CELF2: variants seen among roughly 807,000 people sequenced by gnomAD.
CELF2 encodes the protein CUG triplet repeat RNA-binding protein 2.
Under a neutral mutation model 62.6 loss-of-function variants are expected in CELF2, and 8 were observed. That is an observed-to-expected ratio of 0.13 (90% CI 0.07 to 0.23). CELF2 has a LOEUF of 0.23. CELF2 is among the 10% of genes least tolerant of loss of function. The probability of loss-of-function intolerance (pLI) is 1.00; values close to 1 mark genes in which losing one functional copy is unlikely to be tolerated. For missense variants in CELF2, 333 were observed against 671.0 expected (o/e 0.50, Z 5.56); for synonymous variants, 258 against 250.0 (o/e 1.03, Z -0.30).
chr10:10,950,910 C>T (rs1564248469), intron 2 of CELF2, among the ~76,000 whole-genome samples: 1 of 152,166 alleles, frequency 6.6e-6, no homozygotes, highest in Non-Finnish European at 1.5e-5. Flanking sequence ...ACAGAAAACA[C>T]CTTGGCAGTC....
chr10:10,641,202 G>A, the CELF2 span, among the ~76,000 whole-genome samples: 7 of 152,166 alleles, frequency 4.6e-5, no homozygotes, highest in East Asian at 3.9e-4. Flanking sequence ...GAATAATTCC[G>A]GTCATGTACA....
intron 1 of CELF2, chr10:11,071,435 G>C (rs1242198244): frequency 6.6e-6 from 1 of 152,234 alleles, no homozygotes; most frequent in Non-Finnish European, 1.5e-5. Flanking sequence ...TCTAGGAAGA[G>C]GGAGAACTGG....
At chr10:11,048,530 C>G (rs1309993782) in intron 1 of CELF2, among the ~76,000 whole-genome samples, 1 of 152,168 alleles carries the variant, frequency 6.6e-6, no homozygotes, top group Non-Finnish European at 1.5e-5. Context: ...TCTGTTTTAT[C>G]CCACCTCTAC....
Position 11,335,507 on chromosome 10 carries a change from G to A in CELF2, c.*6454G>A, listed in dbSNP as rs926990836. Reference sequence around the variant, plus strand: ...CTGCTCAAGAACAGAGGGGCCTGGCGAGGTGGAGGAAGGGAGGCTCCCTCC... The same window carrying A: ...CTGCTCAAGAACAGAGGGGCCTGGCAAGGTGGAGGAAGGGAGGCTCCCTCC... On this transcript the variant is annotated 3_prime_UTR_variant, in exon 13 of 13. Transcript: ENST00000633077. The surrounding 1 kb of genome is among the most constrained non-coding windows in gnomAD (Gnocchi z 5.0). 2 of 152,256 alleles carry A rather than the reference G, an allele frequency of 1.3e-5. No homozygotes were observed. The highest frequency in any genetic ancestry group is 2.9e-5 in the Non-Finnish European group (2 of 68,082). The allele number at this position is 152,256 out of a possible 1,614,324, so 9.4% of individuals were successfully genotyped here. A position where few individuals can be genotyped will look rare whatever the true frequency, so the allele number is the denominator to read the frequency against.
chr10:10,578,726 A>T, the CELF2 span, among the ~76,000 whole-genome samples: 1 of 152,150 alleles, frequency 6.6e-6, no homozygotes, highest in Non-Finnish European at 1.5e-5. Context: ...GGCACTTTTC[A>T]ACAGGATGAC....
At chr10:10,929,353 G>C (rs1293797921) in intron 2 of CELF2, among the ~76,000 whole-genome samples, 3 of 152,208 alleles carry the variant, frequency 2.0e-5, no homozygotes, top group African/African-American at 7.2e-5. Flanking sequence ...TAGTATCACT[G>C]TGTGGAGATA....
intron 2 of CELF2, among the ~76,000 whole-genome samples, chr10:11,215,400 T>A (rs1344774813): frequency 6.6e-6 from 1 of 152,232 alleles, no homozygotes; most frequent in African/African-American, 2.4e-5. Flanking sequence ...GTCATACCAT[T>A]GGTCTTCCAG....
chr10:10,945,905 C>A (rs890378542), intron 2 of CELF2: 1 of 152,592 alleles, frequency 6.6e-6, no homozygotes, highest in South Asian at 2.1e-4. Flanking sequence ...CCACCTCCCA[C>A]GTTTTCCCCC....
chr10:10,952,347 A>T (rs1286553300), intron 2 of CELF2: 1 of 152,232 alleles, frequency 6.6e-6, no homozygotes, highest in East Asian at 1.9e-4. Flanking sequence ...CCTTTGAAAA[A>T]TGGGGTATTG....
intron 1 of CELF2, among the ~76,000 whole-genome samples, chr10:11,084,363 A>C (rs754337186): frequency 1.2e-4 from 19 of 152,352 alleles, no homozygotes; most frequent in Non-Finnish European, 1.9e-4. Context: ...GGTAGATGCT[A>C]TGCTTAGGTC....
At chr10:11,210,819 A>G (rs929819199) in intron 2 of CELF2, among the ~76,000 whole-genome samples, 2 of 152,194 alleles carry the variant, frequency 1.3e-5, no homozygotes, top group African/African-American at 4.8e-5. Flanking sequence ...TCAATAATTA[A>G]AAACAACTCA....
chr10:10,895,078 G>A (rs2133982168), intron 1 of CELF2, among the ~76,000 whole-genome samples: 2 of 152,290 alleles, frequency 1.3e-5, no homozygotes, highest in Middle Eastern at 6.8e-3. Context: ...GAATTTCACA[G>A]ACGAGATACT....
intron 1 of CELF2, among the ~76,000 whole-genome samples, chr10:11,048,925 G>C (rs1003933950): frequency 6.6e-6 from 1 of 152,156 alleles, no homozygotes; most frequent in Non-Finnish European, 1.5e-5. Flanking sequence ...AATTGTCAGG[G>C]AAACAGAAAT....
the CELF2 span, among the ~76,000 whole-genome samples, chr10:10,609,455 C>T: frequency 3.3e-5 from 5 of 152,222 alleles, no homozygotes; most frequent in South Asian, 2.1e-4. Context: ...TACCACCGCG[C>T]GTGCACACAC....
chr10:11,123,759 A>T (rs2058189534), intron 1 of CELF2, among the ~76,000 whole-genome samples: 1 of 152,196 alleles, frequency 6.6e-6, no homozygotes, highest in Non-Finnish European at 1.5e-5. Flanking sequence ...ACAATCCAGT[A>T]AAGTCCTTCT....
At chr10:10,796,984 C>T (rs1341835434), upstream of CELF2, 5 of 632,978 alleles carry the variant, frequency 7.9e-6, no homozygotes, top group Non-Finnish European at 9.8e-6. Context: ...GGGAAAGTAT[C>T]CATGACTGCT....
intron 2 of CELF2, among the ~76,000 whole-genome samples, chr10:11,184,072 G>A (rs1022399991): frequency 3.3e-5 from 5 of 152,102 alleles, no homozygotes; most frequent in Non-Finnish European, 5.9e-5. Context: ...GATCTATTTT[G>A]AGTTAATTTT....
chr10:11,213,078 C>A (rs1077505), intron 2 of CELF2, among the ~76,000 whole-genome samples: 17,353 of 152,054 alleles, frequency 0.11, 1,988 homozygotes, highest in East Asian at 0.51. Context: ...ATCCCCAGAG[C>A]CCCCTGGCCG....
chr10:10,656,417 C>T, the CELF2 span, among the ~76,000 whole-genome samples: 7 of 133,994 alleles, frequency 5.2e-5, no homozygotes, highest in Non-Finnish European at 1.1e-4. Flanking sequence ...AAGACACATG[C>T]ACATGTATGT....
Sources: allele counts gnomAD v4.1 joint callset (sites outside exome capture counted in the v4.1 genomes callset), GRCh38; gene constraint gnomAD v4.1.1; non-coding constraint Gnocchi (gnomAD v3.1); transcripts MANE v1.5; gene names NCBI Gene and HGNC (gene_info 2026-07-23, HGNC 2026-07-21).